TPST2: variants seen among roughly 807,000 people sequenced by gnomAD.
TPST2 encodes tyrosylprotein sulfotransferase 2, also known as protein-tyrosine sulfotransferase 2.
Under a neutral mutation model 27.8 loss-of-function variants are expected in TPST2, and 16 were observed. That is an observed-to-expected ratio of 0.58 (90% CI 0.39 to 0.88). The LOEUF (loss-of-function observed/expected upper bound fraction) is 0.88, where lower values mean the gene tolerates loss of function less well. TPST2 is among the 40% of genes least tolerant of loss of function. The pLI is 0.00. For synonymous variants in TPST2, 229 were observed against 231.7 expected, an observed-to-expected ratio of 0.99 and a Z score of 0.10; for missense variants, 464 against 543.1, an observed-to-expected ratio of 0.85 and a Z score of 1.45.
intron 1 of TPST2, among the ~76,000 whole-genome samples, chr22:26,551,407 A>G (rs1396259318): frequency 6.6e-6 from 1 of 152,118 alleles, no homozygotes; most frequent in Non-Finnish European, 1.5e-5. Flanking sequence ...CATTGACCCT[A>G]TTTGACCCTC....
At chr22:26,586,903 G>A (rs1169054462) in intron 1 of TPST2, among the ~76,000 whole-genome samples, 2 of 152,208 alleles carry the variant, frequency 1.3e-5, no homozygotes, top group African/African-American at 4.8e-5. Flanking sequence ...GGGTCCTAGG[G>A]GTGGGGAAGG....
intron 1 of TPST2, chr22:26,555,155 T>G (rs200503056): frequency 9.4e-6 from 5 of 532,654 alleles, no homozygotes; most frequent in Admixed American, 5.8e-5. Flanking sequence ...CTGAGGGAAT[T>G]TGCATTTTAA....
rs1317878631 is a variant in TPST2, at chr22:26,524,325, TAGAA to T, written c.*1946_*1949del. 1 of 151,566 alleles carries T rather than the reference TAGAA, an allele frequency of 6.6e-6. No homozygotes were observed. The highest frequency in any genetic ancestry group is 1.5e-5 in the Non-Finnish European group (1 of 67,978). The allele number at this position is 151,566 out of a possible 1,614,324, so 9.4% of individuals were successfully genotyped here. A position where few individuals can be genotyped will look rare whatever the true frequency, so the allele number is the denominator to read the frequency against. On this transcript the variant is annotated 3_prime_UTR_variant, in exon 7 of 7. Transcript: ENST00000338754. ...CCCATGAAGTTCAGCCTGAACAGCA[TAGAA>T]AGACCTCGTCTCTACAGAAAAAAAA... is the stretch of plus-strand genomic sequence containing the variant.
chr22:26,588,832 C>G (rs1928441793), intron 1 of TPST2, among the ~76,000 whole-genome samples: 1 of 152,158 alleles, frequency 6.6e-6, no homozygotes, highest in Non-Finnish European at 1.5e-5. Flanking sequence ...AGCAGACCAC[C>G]CTGCTGAGAT....
chr22:26,538,775 A>T (rs568035628), intron 3 of TPST2, among the ~76,000 whole-genome samples: 10 of 152,272 alleles, frequency 6.6e-5, no homozygotes, highest in African/African-American at 2.4e-4. Context: ...GTGAGCCGAG[A>T]TCACACCACT....
intron 1 of TPST2, among the ~76,000 whole-genome samples, chr22:26,581,027 C>T (rs9613218): frequency 7.3e-5 from 2 of 27,236 alleles, no homozygotes; most frequent in Admixed American, 3.8e-4. Flanking sequence ...CATACACACA[C>T]ACACACACAC....
rs775047318 is a variant in TPST2, at chr22:26,583,436, C to CAAA, written c.-161+6614_-161+6616dup. On this transcript the variant is annotated intron_variant, in intron 1 of 6. Transcript: ENST00000338754. ...TGGGCGACAGAAGGAAACTCCATCT[C>CAAA]AAAAAAAAAAAAAAAAAAAATGCCT... Among the ~76,000 whole-genome samples the CAAA allele has an allele frequency of 1.7e-4, 11 of 63,630 alleles. 1 individual carries two copies. The highest frequency in any genetic ancestry group is 0.013 in the Middle Eastern group (1 of 76). The allele number at this position is 63,630 out of a possible 152,430, so 41.7% of individuals were successfully genotyped here.
At chr22:26,586,889 C>T (rs1928367111) in intron 1 of TPST2, among the ~76,000 whole-genome samples, 1 of 152,136 alleles carries the variant, frequency 6.6e-6, no homozygotes, top group Non-Finnish European at 1.5e-5. Flanking sequence ...AAGGAAGAAA[C>T]ACAGGGTCCT....
chr22:26,553,995 C>T (rs117985200), intron 1 of TPST2, among the ~76,000 whole-genome samples: 8 of 152,216 alleles, frequency 5.3e-5, no homozygotes, highest in East Asian at 1.9e-4. Context: ...CCCAAGAAGA[C>T]GGACAGCCAA....
intron 3 of TPST2, among the ~76,000 whole-genome samples, chr22:26,540,306 T>C (rs1371375297): frequency 6.6e-6 from 1 of 152,084 alleles, no homozygotes; most frequent in East Asian, 1.9e-4. Context: ...TATTCAAAGT[T>C]TGCAGATTCT....
chr22:26,577,060 C>T (rs1927869159), intron 1 of TPST2, among the ~76,000 whole-genome samples: 1 of 146,458 alleles, frequency 6.8e-6, no homozygotes, highest in Non-Finnish European at 1.5e-5. Flanking sequence ...TGCGCCACTG[C>T]ACTCCAGCCT....
At chr22:26,533,285 A>G (rs914022291) in intron 4 of TPST2, among the ~76,000 whole-genome samples, 4 of 152,254 alleles carry the variant, frequency 2.6e-5, no homozygotes, top group Middle Eastern at 3.4e-3. Context: ...GGTGGCATGC[A>G]CTTATCGTCC....
intron 4 of TPST2, among the ~76,000 whole-genome samples, chr22:26,532,959 C>T (rs1373003839): frequency 2.6e-5 from 4 of 152,094 alleles, no homozygotes; most frequent in Non-Finnish European, 4.4e-5. Context: ...AATTCCTGTT[C>T]CCCTGGAGCT....
At chr22:26,533,891 G>T (rs1303239778) in intron 4 of TPST2, among the ~76,000 whole-genome samples, 4 of 152,092 alleles carry the variant, frequency 2.6e-5, no homozygotes, top group Non-Finnish European at 5.9e-5. Flanking sequence ...ACCCAGGCTG[G>T]TCTCAAACTC....
chr22:26,581,042 A>ACACACACACACG (rs1239322227), intron 1 of TPST2, among the ~76,000 whole-genome samples: 2 of 69,220 alleles, frequency 2.9e-5, no homozygotes, highest in Non-Finnish European at 7.2e-5. Flanking sequence ...ACACACACAC[A>ACACACACACACG]CACACACACA....
At chr22:26,551,821 C>A (rs1207854292) in intron 1 of TPST2, among the ~76,000 whole-genome samples, 1 of 151,820 alleles carries the variant, frequency 6.6e-6, no homozygotes, top group Non-Finnish European at 1.5e-5. Flanking sequence ...TTCCATCAAG[C>A]CAGGCAGAGC....
chr22:26,578,588 G>A (rs1016995021), intron 1 of TPST2, among the ~76,000 whole-genome samples: 11 of 152,124 alleles, frequency 7.2e-5, no homozygotes, highest in Non-Finnish European at 1.0e-4. Context: ...CCAGAGTCCC[G>A]CAGTAGGTAG....
chr22:26,556,958 C>A (rs1926835914), intron 1 of TPST2, among the ~76,000 whole-genome samples: 1 of 152,252 alleles, frequency 6.6e-6, no homozygotes, highest in Non-Finnish European at 1.5e-5. Flanking sequence ...GCGGCTCATG[C>A]CTGTGATCCC....
Position 26,524,304 on chromosome 22 carries a change from T to A in TPST2, c.*1971A>T, listed in dbSNP as rs1057890. On this transcript the variant is annotated 3_prime_UTR_variant, in exon 7 of 7. Coordinates refer to ENST00000338754, the MANE Select transcript of TPST2 (RefSeq NM_003595.5). The stretch of plus-strand genomic sequence containing the variant: ...CCATTAGCCATCCCCAATAAACCCA[T>A]GAAGTTCAGCCTGAACAGCATAGAA... 2.0e-5 allele frequency: 3 copies of A among 151,466 alleles called. No homozygotes were observed. Among genetic ancestry groups the A allele is most frequent in the Admixed American group, 2.0e-4 (3 of 15,218 alleles). The allele number at this position is 151,466 out of a possible 1,614,324, so 9.4% of individuals were successfully genotyped here. A position where few individuals can be genotyped will look rare whatever the true frequency, so the allele number is the denominator to read the frequency against.
Sources: gnomAD v4.1 joint callset for allele counts (sites outside exome capture counted in the v4.1 genomes callset) on GRCh38, gnomAD v4.1.1 for gene constraint, MANE v1.5 for transcripts, NCBI Gene and HGNC (gene_info 2026-07-23, HGNC 2026-07-21) for gene names.